BCL7C: variants seen among roughly 807,000 people sequenced by gnomAD.
The protein encoded by BCL7C is B-cell CLL/lymphoma 7 protein family member C.
Under a neutral mutation model 26.2 loss-of-function variants are expected in BCL7C, and 8 were observed. The observed-to-expected ratio is 0.30, with a 90% confidence interval of 0.18 to 0.55. The LOEUF (loss-of-function observed/expected upper bound fraction) is 0.55, where lower values mean the gene tolerates loss of function less well. Among genes scored for constraint, BCL7C ranks in the 20% least tolerant of loss-of-function variants. The pLI is 0.93. For missense variants in BCL7C, 262 were observed against 298.5 expected (o/e 0.88, Z 0.90); for synonymous variants, 90 against 116.5 (o/e 0.77, Z 1.47).
At position 30,879,689 on chromosome 16, in the gene BCL7C, C is replaced by CAAAAAAAAAAACAA. The variant is rs2055008492; in HGVS notation, c.528+9170_528+9171insTTGTTTTTTTTTTT. On this transcript the variant is annotated intron_variant, in intron 5 of 5. Transcript: ENST00000380317. Reference sequence around the variant, plus strand: ...AACACAGAGAGACTCCCCTTCTCTACAAAAAAAAAAAAAAAAAAAACTGGG... The same window carrying CAAAAAAAAAAACAA: ...AACACAGAGAGACTCCCCTTCTCTACAAAAAAAAAAACAAAAAAAAAAAAAAAAAAAAAACTGGG... Among the ~76,000 whole-genome samples, 4 of 29,406 alleles carry CAAAAAAAAAAACAA rather than the reference C, an allele frequency of 1.4e-4. 1 individual carries two copies. Among genetic ancestry groups the CAAAAAAAAAAACAA allele is most frequent in the Non-Finnish European group, 2.4e-4 (4 of 16,958 alleles). 19.3% of individuals were successfully genotyped at this position (29,406 alleles called of 152,430 possible).
intron 4 of BCL7C, among the ~76,000 whole-genome samples, chr16:30,889,411 C>T (rs1351751591): frequency 6.6e-6 from 1 of 152,152 alleles, no homozygotes; most frequent in Non-Finnish European, 1.5e-5. Flanking sequence ...TTTATATTAG[C>T]AAAGGTATAC....
At chr16:30,876,846 C>T (rs901223265) in intron 5 of BCL7C, among the ~76,000 whole-genome samples, 7 of 152,080 alleles carry the variant, frequency 4.6e-5, no homozygotes, top group Non-Finnish European at 1.0e-4. Context: ...TGGGCAGGGG[C>T]CAAATCCAGC....
At chr16:30,884,492 G>GTTT (rs71149066), downstream of BCL7C, among the ~76,000 whole-genome samples, 174 of 98,236 alleles carry the variant, frequency 1.8e-3, 1 homozygote, top group Non-Finnish European at 2.3e-3. Flanking sequence ...ATCTCCATTT[G>GTTT]TTTTTTTTTT....
At chr16:30,848,784 C>T (rs1241631795) in intron 5 of BCL7C, among the ~76,000 whole-genome samples, 1 of 151,804 alleles carries the variant, frequency 6.6e-6, no homozygotes, top group Non-Finnish European at 1.5e-5. Flanking sequence ...ATCCCGGCTA[C>T]TCAGGAGGCT....
chr16:30,870,764 A>C (rs977229728), intron 5 of BCL7C, among the ~76,000 whole-genome samples: 1 of 152,222 alleles, frequency 6.6e-6, no homozygotes, highest in African/African-American at 2.4e-5. Flanking sequence ...TTGCTGGGGT[A>C]CCACAGCCAA....
intron 5 of BCL7C, among the ~76,000 whole-genome samples, chr16:30,872,335 G>A (rs2143025032): frequency 6.6e-6 from 1 of 152,296 alleles, no homozygotes. Context: ...ATCCCAGCCA[G>A]CCTAGAGACT....
intron 5 of BCL7C, among the ~76,000 whole-genome samples, chr16:30,860,189 G>A (rs572350132): frequency 1.1e-4 from 16 of 152,310 alleles, no homozygotes; most frequent in Admixed American, 3.3e-4. Flanking sequence ...TGCCGGTCAC[G>A]GACTCGGGAA....
chr16:30,876,019 C>T (rs958772403), intron 5 of BCL7C: 1 of 152,340 alleles, frequency 6.6e-6, no homozygotes, highest in African/African-American at 2.4e-5. Flanking sequence ...TGCCCTTTCA[C>T]TACGCCACAG....
At chr16:30,884,283 C>G (rs1274362907), downstream of BCL7C, among the ~76,000 whole-genome samples, 1 of 151,972 alleles carries the variant, frequency 6.6e-6, no homozygotes, top group East Asian at 1.9e-4. Flanking sequence ...AATGGACACC[C>G]TGTCTGGGGC....
intron 5 of BCL7C, among the ~76,000 whole-genome samples, chr16:30,843,262 A>G (rs894389960): frequency 3.3e-5 from 5 of 152,224 alleles, no homozygotes; most frequent in Non-Finnish European, 7.3e-5. Flanking sequence ...AAGACAATGT[A>G]GCAAGAGTTG....
chr16:30,860,788 C>G (rs923445763), intron 5 of BCL7C, among the ~76,000 whole-genome samples: 1 of 152,130 alleles, frequency 6.6e-6, no homozygotes, highest in African/African-American at 2.4e-5. Context: ...TCAGTCTCCA[C>G]CCCAAGCTCT....
rs1184320553 is a variant in BCL7C at position 30,865,717 on chromosome 16, CT to C, written c.528+23142del. Among the ~76,000 whole-genome samples, 530 of 115,102 alleles carry C rather than the reference CT, an allele frequency of 4.6e-3. 5 individuals are homozygous for C. Among genetic ancestry groups the C allele is most frequent in the African/African-American group, 0.016 (502 of 30,730 alleles). The allele number at this position is 115,102 out of a possible 152,430, so 75.5% of individuals were successfully genotyped here. A position where few individuals can be genotyped will look rare whatever the true frequency, so the allele number is the denominator to read the frequency against. Reference sequence around the variant, plus strand: ...CATTTTACCGTGCACATACATATGGCTTTTTTTTTCTTTTTTTTTTTTTTTT... The same window carrying C: ...CATTTTACCGTGCACATACATATGGCTTTTTTTTCTTTTTTTTTTTTTTTT... On this transcript the variant is annotated intron_variant, in intron 5 of 5. Coordinates refer to the BCL7C transcript ENST00000380317.
At chr16:30,877,095 G>A (rs2054961016) in intron 5 of BCL7C, among the ~76,000 whole-genome samples, 1 of 152,108 alleles carries the variant, frequency 6.6e-6, no homozygotes. Context: ...GAGGAGAGTG[G>A]AACACCAGGG....
Position 30,893,762 on chromosome 16 carries a change from C to T in BCL7C, c.92+91G>A, listed in dbSNP as rs978509642. 4 of 1,175,968 alleles carry T rather than the reference C, an allele frequency of 3.4e-6. No individual in the cohort carries two copies. Among genetic ancestry groups the T allele is most frequent in the Non-Finnish European group, 5.0e-6 (4 of 807,390 alleles). The allele number at this position is 1,175,968 out of a possible 1,614,324, so 72.8% of individuals were successfully genotyped here. A position where few individuals can be genotyped will look rare whatever the true frequency, so the allele number is the denominator to read the frequency against. ...CTAGTGGGTGGAGATACACCGAACACCCGGGGCCCAGAGCTGGCGAGGGCA... is the reference window on the plus strand; with the variant it reads ...CTAGTGGGTGGAGATACACCGAACATCCGGGGCCCAGAGCTGGCGAGGGCA... On this transcript the variant is annotated intron_variant, in intron 1 of 5. Transcript: ENST00000215115. This position sits in a 1 kb window ranked among gnomAD's most constrained non-coding sequence, Gnocchi z 5.2.
intron 5 of BCL7C, among the ~76,000 whole-genome samples, chr16:30,880,543 CAAA>C (rs34003724): frequency 1.1e-4 from 14 of 123,174 alleles, no homozygotes; most frequent in Admixed American, 1.6e-4. Context: ...ACTAAAAATA[CAAA>C]AAAAAAAAAA....
chr16:30,874,892 G>A (rs919516102), intron 5 of BCL7C, among the ~76,000 whole-genome samples: 2 of 152,254 alleles, frequency 1.3e-5, no homozygotes, highest in Non-Finnish European at 2.9e-5. Flanking sequence ...CAGCTCGCGG[G>A]TGGAGGCCCG....
intron 5 of BCL7C, among the ~76,000 whole-genome samples, chr16:30,856,060 T>TAAA (rs758984617): frequency 1.0e-5 from 1 of 97,406 alleles, no homozygotes; most frequent in African/African-American, 3.8e-5. Flanking sequence ...AGACTCCATC[T>TAAA]AAAAAAAAAA....
At chr16:30,857,741 C>CCA (rs1567312041) in intron 5 of BCL7C, among the ~76,000 whole-genome samples, 1 of 151,934 alleles carries the variant, frequency 6.6e-6, no homozygotes, top group Non-Finnish European at 1.5e-5. Flanking sequence ...GAGGCCAAGG[C>CCA]GGGTGGATCA....
chr16:30,843,260 G>A lies in BCL7C; in HGVS notation c.529-8112C>T, dbSNP rs141780114. On this transcript the variant is annotated intron_variant, in intron 5 of 5. Coordinates refer to the BCL7C transcript ENST00000380317. ...ACTAATGGAGGGAGAGGAAGACAAT[G>A]TAGCAAGAGTTGGTGTTGGGCTGGG... is the stretch of plus-strand genomic sequence containing the variant. Among the ~76,000 whole-genome samples the A allele has an allele frequency of 3.0e-3, 452 of 152,326 alleles. 6 individuals carry two copies. Among genetic ancestry groups the A allele is most frequent in the Non-Finnish European group, 2.4e-3 (164 of 68,030 alleles).
Sources: allele counts gnomAD v4.1 joint callset (sites outside exome capture counted in the v4.1 genomes callset), GRCh38; gene constraint gnomAD v4.1.1; non-coding constraint Gnocchi (gnomAD v3.1); transcripts MANE v1.5; gene names NCBI Gene and HGNC (gene_info 2026-07-23, HGNC 2026-07-21).